Variants in DCC observed in about 807,000 individuals in gnomAD.
DCC encodes the protein netrin receptor DCC.
In DCC, 58 loss-of-function variants were observed where a neutral mutation model predicts 172.5. That is an observed-to-expected ratio of 0.34 (90% CI 0.27 to 0.42). The LOEUF is 0.42. Ranked by LOEUF, DCC falls within the 10% of genes least tolerant of loss-of-function variation. The pLI, the probability that DCC is intolerant of heterozygous loss-of-function variation, is 1.00. For synonymous variants in DCC, 709 were observed against 644.5 expected (o/e 1.10, Z -1.52); for missense variants, 1,740 against 1,791.0 (o/e 0.97, Z 0.51).
At chr18:53,107,631 G>A (rs2043270596) in intron 7 of DCC, among the ~76,000 whole-genome samples, 1 of 150,716 alleles carries the variant, frequency 6.6e-6, no homozygotes, top group Non-Finnish European at 1.5e-5. Flanking sequence ...CTTAGAAAGA[G>A]TCTCCAGGGA....
At chr18:52,537,367 G>A (rs944483572) in intron 1 of DCC, among the ~76,000 whole-genome samples, 2 of 152,168 alleles carry the variant, frequency 1.3e-5, no homozygotes, top group Non-Finnish European at 2.9e-5. Context: ...GCTTTCATAG[G>A]TTCTAAAATT....
chr18:52,576,758 A>G (rs537940618), intron 1 of DCC, among the ~76,000 whole-genome samples: 1 of 150,686 alleles, frequency 6.6e-6, no homozygotes, highest in Non-Finnish European at 1.5e-5. Flanking sequence ...TGAACCCGGG[A>G]GGCAGAGCTT....
At chr18:53,209,660 T>C (rs1338208035) in intron 11 of DCC, among the ~76,000 whole-genome samples, 2 of 152,218 alleles carry the variant, frequency 1.3e-5, no homozygotes, top group African/African-American at 4.8e-5. Flanking sequence ...TTTGGTATCA[T>C]TTTTAATGTA....
chr18:53,438,743 T>C (rs1011579775), intron 22 of DCC, among the ~76,000 whole-genome samples: 5 of 152,222 alleles, frequency 3.3e-5, no homozygotes, highest in African/African-American at 1.2e-4. Context: ...ACTTTCCTTT[T>C]CAAAGGTGTC....
At chr18:53,463,672 G>A (rs1201846479) in intron 24 of DCC, among the ~76,000 whole-genome samples, 1 of 152,130 alleles carries the variant, frequency 6.6e-6, no homozygotes, top group Non-Finnish European at 1.5e-5. Flanking sequence ...ACCAAATTAA[G>A]AAGGGTTAAA....
At chr18:52,896,316 A>G (rs1486685942) in intron 2 of DCC, among the ~76,000 whole-genome samples, 2 of 151,470 alleles carry the variant, frequency 1.3e-5, no homozygotes, top group Non-Finnish European at 2.9e-5. Context: ...TAAAACAAGC[A>G]AATAATAAAC....
intron 2 of DCC, among the ~76,000 whole-genome samples, chr18:52,818,418 TAAAAAA>T (rs55812629): frequency 0.052 from 5,069 of 97,106 alleles, 117 homozygotes; most frequent in Admixed American, 0.086. Flanking sequence ...TCTCAAAAAG[TAAAAAA>T]AAAAAAAAAA....
At chr18:52,846,665 G>C (rs1273290558) in intron 2 of DCC, among the ~76,000 whole-genome samples, 1 of 145,920 alleles carries the variant, frequency 6.9e-6, no homozygotes, top group African/African-American at 2.5e-5. Flanking sequence ...GGGGATACTT[G>C]TCTTGGTGTC....
intron 12 of DCC, among the ~76,000 whole-genome samples, chr18:53,239,597 G>A (rs930758838): frequency 9.2e-5 from 14 of 152,030 alleles, no homozygotes; most frequent in Admixed American, 7.2e-4. Context: ...CCCTTTGATT[G>A]GTGTTTTTGA....
intron 5 of DCC, among the ~76,000 whole-genome samples, chr18:53,044,033 A>G (rs7506245): frequency 0.33 from 49,702 of 151,830 alleles, 9,032 homozygotes; most frequent in Non-Finnish European, 0.42. Flanking sequence ...TGTTTCATAA[A>G]GAGTTCGATA....
chr18:52,501,677 A>G (rs2031026625), intron 1 of DCC, among the ~76,000 whole-genome samples: 1 of 152,138 alleles, frequency 6.6e-6, no homozygotes, highest in African/African-American at 2.4e-5. Flanking sequence ...GTCAGAATTT[A>G]AGCCCATGTC....
At chr18:52,459,766 G>A (rs891850813) in intron 1 of DCC, among the ~76,000 whole-genome samples, 6 of 152,076 alleles carry the variant, frequency 3.9e-5, no homozygotes, top group Admixed American at 1.3e-4. Flanking sequence ...ACCGCGCCCA[G>A]GCCCAGTATT....
chr18:52,809,652 G>T (rs1442022245), intron 2 of DCC, among the ~76,000 whole-genome samples: 1 of 152,156 alleles, frequency 6.6e-6, no homozygotes, highest in Non-Finnish European at 1.5e-5. Context: ...TGTGATGGCG[G>T]CAAACAGCAG....
At chr18:53,479,226 T>G (rs1185219676) in intron 25 of DCC, among the ~76,000 whole-genome samples, 1 of 152,246 alleles carries the variant, frequency 6.6e-6, no homozygotes, top group African/African-American at 2.4e-5. Context: ...TTTTAAATAC[T>G]AATCTGATCA....
chr18:53,303,824 G>A (rs2057168599), intron 12 of DCC, among the ~76,000 whole-genome samples: 2 of 152,100 alleles, frequency 1.3e-5, no homozygotes, highest in South Asian at 4.1e-4. Context: ...GTGCCTTCTT[G>A]GTACCTGGGT....
intron 7 of DCC, among the ~76,000 whole-genome samples, chr18:53,120,589 C>G (rs1202090668): frequency 4.0e-5 from 6 of 151,768 alleles, no homozygotes; most frequent in Non-Finnish European, 8.8e-5. Context: ...GGAAAAATTG[C>G]TCTGCTAATA....
intron 7 of DCC, among the ~76,000 whole-genome samples, chr18:53,100,395 A>G (rs1315662505): frequency 6.6e-6 from 1 of 152,186 alleles, no homozygotes; most frequent in East Asian, 1.9e-4. Flanking sequence ...AAGAATTTTT[A>G]GCAACCTCTT....
At chr18:52,860,906 C>G (rs909352582) in intron 2 of DCC, among the ~76,000 whole-genome samples, 1 of 150,794 alleles carries the variant, frequency 6.6e-6, no homozygotes, top group African/African-American at 2.4e-5. Context: ...CTCAGGAGGC[C>G]GAGGCAGGAG....
intron 1 of DCC, among the ~76,000 whole-genome samples, chr18:52,706,455 T>C (rs1275761613): frequency 2.0e-5 from 3 of 152,392 alleles, no homozygotes; most frequent in South Asian, 4.1e-4. Context: ...TTTCTCTTAT[T>C]GCTTTGTAGC....
Sources: allele counts gnomAD v4.1 joint callset (sites outside exome capture counted in the v4.1 genomes callset), GRCh38; gene constraint gnomAD v4.1.1; transcripts MANE v1.5; gene names NCBI Gene and HGNC (gene_info 2026-07-23, HGNC 2026-07-21).